Variants in TRABD2B observed in about 807,000 individuals in gnomAD.
TRABD2B encodes the protein TraB domain containing 2B.
In TRABD2B, 14 loss-of-function variants were observed where a neutral mutation model predicts 40.1. The ratio of observed to expected loss-of-function variants is 0.35; its 90% confidence interval spans 0.23 to 0.55. TRABD2B has a LOEUF of 0.55. TRABD2B is among the 20% of genes least tolerant of loss of function. The pLI, the probability that TRABD2B is intolerant of heterozygous loss-of-function variation, is 0.90. For missense variants in TRABD2B, 541 were observed against 648.6 expected (o/e 0.83, Z 1.80); for synonymous variants, 263 against 277.0 (o/e 0.95, Z 0.50).
chr1:47,918,910 G>A (rs189171010), intron 2 of TRABD2B, among the ~76,000 whole-genome samples: 1 of 152,336 alleles, frequency 6.6e-6, no homozygotes, highest in African/African-American at 2.4e-5. Context: ...AGTGGCCCCA[G>A]AAAACCACAT....
intron 2 of TRABD2B, among the ~76,000 whole-genome samples, chr1:47,931,083 C>T (rs1169997241): frequency 1.3e-5 from 2 of 152,172 alleles, no homozygotes; most frequent in Admixed American, 1.3e-4. Flanking sequence ...ACTGCTCTAT[C>T]CCCAGCACCT....
chr1:47,808,970 A>T (rs1644927504), intron 2 of TRABD2B, among the ~76,000 whole-genome samples: 1 of 152,094 alleles, frequency 6.6e-6, no homozygotes, highest in Admixed American at 6.5e-5. Flanking sequence ...GAAAGAGGTC[A>T]CCCTTGCTAA....
At position 47,960,167 on chromosome 1, in the gene TRABD2B, C is replaced by A. The variant is rs900618013; in HGVS notation, c.666+33867G>T. On this transcript the variant is annotated intron_variant, in intron 2 of 6. Transcript: ENST00000606738. Reference sequence around the variant, plus strand: ...AGGCCTTCAACAAAATGCAACAGCCCCTCATGCTAAAAACTCTCAATAAAC... The same window carrying A: ...AGGCCTTCAACAAAATGCAACAGCCACTCATGCTAAAAACTCTCAATAAAC... 2.0e-5 allele frequency among the ~76,000 whole-genome samples: 3 copies of A among 152,268 alleles called. No individual in the cohort carries two copies. In the South Asian group the frequency reaches 6.2e-4, roughly 32 times the overall value.
At chr1:47,893,054 T>C (rs1404681235) in intron 2 of TRABD2B, among the ~76,000 whole-genome samples, 1 of 152,202 alleles carries the variant, frequency 6.6e-6, no homozygotes, top group Admixed American at 6.5e-5. Context: ...GAAGCCATTG[T>C]GAGGTCAGTG....
chr1:47,928,289 A>T (rs1240273801), intron 2 of TRABD2B, among the ~76,000 whole-genome samples: 1 of 152,230 alleles, frequency 6.6e-6, no homozygotes, highest in East Asian at 1.9e-4. Context: ...CTGCCATAAC[A>T]TACCCTATGG....
At chr1:47,879,116 A>G (rs1026543027) in intron 2 of TRABD2B, among the ~76,000 whole-genome samples, 2 of 152,070 alleles carry the variant, frequency 1.3e-5, no homozygotes, top group African/African-American at 4.8e-5. Flanking sequence ...AAAAAAAAAA[A>G]AAAGTTTATG....
chr1:47,810,566 G>A (rs531315612), intron 2 of TRABD2B, among the ~76,000 whole-genome samples: 6 of 152,198 alleles, frequency 3.9e-5, no homozygotes, highest in Admixed American at 2.6e-4. Flanking sequence ...GGAGTGAGGC[G>A]ACGGACCTGT....
Position 47,794,580 on chromosome 1 carries a change from C to G in TRABD2B, c.988+6G>C, listed in dbSNP as rs1334525832. 6.6e-7 allele frequency: 1 copy of G among 1,525,662 alleles called. No individual in the cohort carries two copies. Among genetic ancestry groups the G allele is most frequent in the Admixed American group, 2.0e-5 (1 of 50,454 alleles). The allele number at this position is 1,525,662 out of a possible 1,614,324, so 94.5% of individuals were successfully genotyped here. A position where few individuals can be genotyped will look rare whatever the true frequency, so the allele number is the denominator to read the frequency against. Reference sequence around the variant, plus strand: ...CAAACAATCCCTTCCCCACACTGGCCCAAACCTGCTCCGAAGGCAAAGAAG... The same window carrying G: ...CAAACAATCCCTTCCCCACACTGGCGCAAACCTGCTCCGAAGGCAAAGAAG... On this transcript the variant is annotated splice_donor_region_variant and intron_variant, in intron 4 of 6. Transcript: ENST00000606738.
chr1:47,825,880 C>T (rs1032868467), intron 2 of TRABD2B, among the ~76,000 whole-genome samples: 2 of 152,192 alleles, frequency 1.3e-5, no homozygotes, highest in African/African-American at 4.8e-5. Context: ...TGTTCTGCCT[C>T]CACCACTAAC....
chr1:47,792,553 G>C (rs1325678735), intron 4 of TRABD2B, among the ~76,000 whole-genome samples: 1 of 152,196 alleles, frequency 6.6e-6, no homozygotes, highest in Non-Finnish European at 1.5e-5. Context: ...TTTGGAGATG[G>C]GAGAAGCTGG....
At chr1:47,903,998 CA>C (rs1363262068) in intron 2 of TRABD2B, among the ~76,000 whole-genome samples, 1 of 152,174 alleles carries the variant, frequency 6.6e-6, no homozygotes, top group Non-Finnish European at 1.5e-5. Context: ...ACCTTTGGGC[CA>C]GGCCCTATGT....
At position 47,766,051 on chromosome 1, in the gene TRABD2B, C is replaced by T. The variant is rs188065494; in HGVS notation, c.1405G>A (p.Ala469Thr). Reference sequence around the variant, plus strand: ...TCTGAAAGCTGGAAGGGGGGCTTGGCGGTCCCCGAGCTGTGGGTGGGCTGC... The same window carrying T: ...TCTGAAAGCTGGAAGGGGGGCTTGGTGGTCCCCGAGCTGTGGGTGGGCTGC... ...PLQPTHSSGTAKPPFQLSDQL... is the reference protein window; with the variant it reads ...PLQPTHSSGTTKPPFQLSDQL... Residue 469 changes from alanine (A) to threonine (T), a missense_variant, in exon 7 of 7, where the codon GCC becomes ACC. Ala to Thr is a moderately conservative substitution (Grantham distance 58, BLOSUM62 0). Around this residue, in one of 2 missense-constraint regions of TRABD2B, gnomAD observed 172 missense variants for 155.8 expected, o/e 1.10. Coordinates refer to ENST00000606738, the MANE Select transcript of TRABD2B (RefSeq NM_001194986.2). 32 of 694,968 alleles carry T rather than the reference C, an allele frequency of 4.6e-5. 1 individual carries two copies. In the East Asian group the frequency reaches 4.8e-4, roughly 11 times the overall value. The allele number at this position is 694,968 out of a possible 1,614,324, so 43.1% of individuals were successfully genotyped here. A position where few individuals can be genotyped will look rare whatever the true frequency, so the allele number is the denominator to read the frequency against.
At chr1:47,817,724 C>T (rs1412373329) in intron 2 of TRABD2B, among the ~76,000 whole-genome samples, 4 of 152,178 alleles carry the variant, frequency 2.6e-5, no homozygotes, top group Middle Eastern at 3.2e-3. Flanking sequence ...AGTCCCTTCA[C>T]GGGCTCCTCG....
intron 4 of TRABD2B, among the ~76,000 whole-genome samples, chr1:47,780,539 G>A (rs895503194): frequency 2.0e-5 from 3 of 152,146 alleles, no homozygotes; most frequent in African/African-American, 7.2e-5. Flanking sequence ...CGGGCACTAA[G>A]TATGATGGAG....
chr1:47,891,670 T>C (rs543818296), intron 2 of TRABD2B, among the ~76,000 whole-genome samples: 1 of 152,084 alleles, frequency 6.6e-6, no homozygotes, highest in East Asian at 1.9e-4. Context: ...GGTGTAGTGG[T>C]GCACGCTTGT....
chr1:47,975,058 A>G (rs1408321405), intron 2 of TRABD2B, among the ~76,000 whole-genome samples: 1 of 152,236 alleles, frequency 6.6e-6, no homozygotes, highest in Non-Finnish European at 1.5e-5. Flanking sequence ...CTAAGAAGGG[A>G]TGATAAGTAA....
intron 2 of TRABD2B, among the ~76,000 whole-genome samples, chr1:47,871,590 C>T (rs1466266355): frequency 2.6e-5 from 4 of 152,096 alleles, no homozygotes; most frequent in African/African-American, 7.2e-5. Flanking sequence ...TCATACCTGC[C>T]GCTCACACAC....
chr1:47,919,622 T>C (rs1481100649), intron 2 of TRABD2B, among the ~76,000 whole-genome samples: 1 of 152,238 alleles, frequency 6.6e-6, no homozygotes. Context: ...TGGACTGGAC[T>C]AGACAGTTTG....
chr1:47,772,531 G>A (rs1166979433), intron 6 of TRABD2B, among the ~76,000 whole-genome samples: 1 of 152,076 alleles, frequency 6.6e-6, no homozygotes, highest in Non-Finnish European at 1.5e-5. Context: ...GAGGGCACTC[G>A]GGGCCAGGAC....
Sources: gnomAD v4.1 joint callset for allele counts (sites outside exome capture counted in the v4.1 genomes callset) on GRCh38, gnomAD v4.1.1 for gene constraint, gnomAD v4.1.1 regional missense constraint, MANE v1.5 for transcripts, NCBI Gene and HGNC (gene_info 2026-07-23, HGNC 2026-07-21) for gene names.